DOCK8: variants seen among roughly 807,000 people sequenced by gnomAD.
DOCK8 encodes the protein dedicator of cytokinesis 8, also known as dedicator of cytokinesis protein 8.
Under a neutral mutation model 245.6 loss-of-function variants are expected in DOCK8, and 141 were observed. The ratio of observed to expected loss-of-function variants is 0.57; its 90% CI spans 0.50 to 0.66. The LOEUF (loss-of-function observed/expected upper bound fraction) is 0.66. DOCK8 is among the 30% of genes least tolerant of loss of function. The pLI is 0.00. For synonymous variants in DOCK8, 1,168 were observed against 970.2 expected (o/e 1.20, Z -3.79); for missense variants, 2,965 against 2,603.4 (o/e 1.14, Z -3.02).
intron 35 of DOCK8, among the ~76,000 whole-genome samples, chr9:428,962 T>A (rs1408588762): frequency 6.6e-6 from 1 of 152,150 alleles, no homozygotes; most frequent in Non-Finnish European, 1.5e-5. Flanking sequence ...ATTTTTCCCT[T>A]TATTTATTTA....
intron 15 of DOCK8, 82 bp downstream of exon 15, chr9:368,217 G>A: frequency 8.5e-7 from 1 of 1,174,534 alleles, no homozygotes; most frequent in South Asian, 1.2e-5. Flanking sequence ...GGACTCATCA[G>A]TGTACAAAGT....
chr9:312,045 A>T lies in DOCK8; in HGVS notation c.620A>T (p.Asp207Val). The change falls in exon 6 of 48, where the codon GAC becomes GTC. Residue 207 changes from aspartate (D) to valine (V), a missense_variant. Around this residue, in one of 3 missense-constraint regions of DOCK8, gnomAD observed 2,825 missense variants for 2,453.5 expected, o/e 1.15. Coordinates refer to ENST00000432829, the MANE Select transcript of DOCK8 (RefSeq NM_203447.4). Reference protein sequence around the residue: ...CDFDLRSLQPDKRLENLLQQV... With the variant: ...CDFDLRSLQPVKRLENLLQQV... ...TTTGACCTCCGCAGCCTGCAGCCTG[A>T]CAAGCGGCTAGAAAACCTCCTGCAG... The T allele has an allele frequency of 6.2e-7, 1 of 1,614,212 alleles. No homozygotes were observed. The highest frequency in any genetic ancestry group is 8.5e-7 in the Non-Finnish European group (1 of 1,180,032).
chr9:298,242 C>A lies in DOCK8; in HGVS notation c.405-6339C>A, dbSNP rs148508050. Among the ~76,000 whole-genome samples, 222 of 152,110 alleles carry A rather than the reference C, an allele frequency of 1.5e-3. 8 individuals carry two copies. In the South Asian group the frequency reaches 0.044, roughly 30 times the overall value. On this transcript the variant is annotated intron_variant, in intron 4 of 47. Transcript: ENST00000432829. Reference sequence around the variant, plus strand: ...GAGTTCGAGACCAGCCTGGCCAACACGGCAAAACCCCGTCTCTACTAAAAA... The same window carrying A: ...GAGTTCGAGACCAGCCTGGCCAACAAGGCAAAACCCCGTCTCTACTAAAAA...
At chr9:231,586 G>T (rs976583443) in intron 1 of DOCK8, among the ~76,000 whole-genome samples, 12 of 152,066 alleles carry the variant, frequency 7.9e-5, no homozygotes, top group African/African-American at 2.4e-4. Context: ...TTGAGCAGTG[G>T]TTTGTAGTTC....
chr9:449,751 A>G (rs781365919), intron 44 of DOCK8, 33 bp from the exon 45 acceptor site: 2 of 1,612,020 alleles, frequency 1.2e-6, no homozygotes, highest in African/African-American at 1.3e-5. Flanking sequence ...GAGACCAGAC[A>G]GTGACTTCCC....
chr9:272,094 T>A (rs1439037054), intron 2 of DOCK8, among the ~76,000 whole-genome samples: 1 of 152,222 alleles, frequency 6.6e-6, no homozygotes, highest in Non-Finnish European at 1.5e-5. Flanking sequence ...AAATCTGAAA[T>A]GCCAAGTTAC....
intron 1 of DOCK8, among the ~76,000 whole-genome samples, chr9:223,428 C>T (rs1158603492): frequency 6.6e-6 from 1 of 152,036 alleles, no homozygotes; most frequent in Non-Finnish European, 1.5e-5. Flanking sequence ...GAGATTTACT[C>T]AAAATTGAGA....
intron 6 of DOCK8, chr9:312,465 T>C (rs1454641659): frequency 1.9e-6 from 1 of 524,794 alleles, no homozygotes; most frequent in Non-Finnish European, 3.7e-6. Flanking sequence ...CTACATGTAG[T>C]AATCACACCC....
chr9:328,013 C>T lies in DOCK8; in HGVS notation c.895-9C>T, dbSNP rs1057523638. Reference sequence around the variant, plus strand: ...CTAACTTATATTTCACTTTGCTGCTCATTTACAGATCTCAGAAAATTTTCA... The same window carrying T: ...CTAACTTATATTTCACTTTGCTGCTTATTTACAGATCTCAGAAAATTTTCA... On this transcript the variant is annotated splice_polypyrimidine_tract_variant and intron_variant, in intron 8 of 47. Coordinates refer to ENST00000432829, the MANE Select transcript of DOCK8 (RefSeq NM_203447.4). The T allele has an allele frequency of 2.5e-6, 4 of 1,613,196 alleles. No individual in the cohort carries two copies. Among genetic ancestry groups the T allele is most frequent in the African/African-American group, 1.3e-5 (1 of 74,920 alleles).
chr9:348,538 G>T (rs141569221), intron 14 of DOCK8, among the ~76,000 whole-genome samples: 12 of 152,144 alleles, frequency 7.9e-5, no homozygotes, highest in African/African-American at 2.2e-4. Context: ...GCTTCATGAG[G>T]CACCCTGTTT....
chr9:401,578 G>T (rs1379262103), intron 26 of DOCK8, among the ~76,000 whole-genome samples: 1 of 152,094 alleles, frequency 6.6e-6, no homozygotes. Context: ...AAGGAGGCAG[G>T]CACTAAATGG....
chr9:343,924 C>T (rs2051735245), intron 14 of DOCK8, among the ~76,000 whole-genome samples: 1 of 152,234 alleles, frequency 6.6e-6, no homozygotes, highest in South Asian at 2.1e-4. Context: ...CTCGTTCCTG[C>T]AAACATTATC....
chr9:261,997 GAGAAAGAAAGAAAGAAAGAA>G (rs149792134), intron 1 of DOCK8, among the ~76,000 whole-genome samples: 1 of 146,734 alleles, frequency 6.8e-6, no homozygotes, highest in African/African-American at 2.5e-5. Context: ...AAGAAAGAAG[GAGAAAGAAAGAAAGAAAGAA>G]AGAAAGAAAG....
At chr9:291,046 G>C (rs1478997131) in intron 4 of DOCK8, among the ~76,000 whole-genome samples, 1 of 152,082 alleles carries the variant, frequency 6.6e-6, no homozygotes, top group African/African-American at 2.4e-5. Context: ...ATAAAATTAT[G>C]GTTTGCTGAT....
intron 35 of DOCK8, among the ~76,000 whole-genome samples, 165 bp downstream of exon 35, chr9:428,661 G>A (rs186796072): frequency 1.8e-4 from 28 of 152,292 alleles, no homozygotes; most frequent in African/African-American, 6.3e-4. Context: ...CTGATTCTGT[G>A]GGAAGCCACC....
At chr9:258,439 A>G (rs906341579) in intron 1 of DOCK8, among the ~76,000 whole-genome samples, 4 of 152,212 alleles carry the variant, frequency 2.6e-5, no homozygotes, top group Non-Finnish European at 5.9e-5. Context: ...GTTTTTAATC[A>G]ACAGCATCCA....
chr9:375,671 C>T (rs923769821), intron 18 of DOCK8, among the ~76,000 whole-genome samples: 34 of 152,174 alleles, frequency 2.2e-4, no homozygotes, highest in Non-Finnish European at 4.3e-4. Context: ...CACTAAGGCC[C>T]AGAAAGTTTA....
chr9:271,757 C>T (rs143576729), intron 2 of DOCK8, 28 bp downstream of exon 2: 9 of 1,510,214 alleles, frequency 6.0e-6, no homozygotes, highest in Non-Finnish European at 8.1e-6. Context: ...GTTTACTTAG[C>T]GATTGGTCAA....
chr9:376,285 G>C lies in DOCK8; in HGVS notation c.2185G>C (p.Val729Leu), dbSNP rs755742342. The C allele has an allele frequency of 5.0e-6, 8 of 1,612,202 alleles. No individual in the cohort carries two copies. In the Admixed American group the frequency reaches 8.3e-5, roughly 17 times the overall value. Residue 729 changes from valine (V) to leucine (L), a missense_variant, in exon 19 of 48, where the codon GTT (valine) becomes CTT (leucine). Val to Leu is a conservative substitution (Grantham distance 32, BLOSUM62 1). Around this residue, in one of 3 missense-constraint regions of DOCK8, gnomAD observed 2,825 missense variants for 2,453.5 expected, o/e 1.15. Coordinates refer to ENST00000432829, the MANE Select transcript of DOCK8 (RefSeq NM_203447.4). The part of the protein sequence containing the change: ...KGVFNIEVQA[V>L]SSVHTQDNHL... ...AGTATTTAATATTGAAGTGCAAGCT[G>C]TTTCTTCTGTACACACCCAGGTAAG...
Sources: allele counts gnomAD v4.1 joint callset (sites outside exome capture counted in the v4.1 genomes callset), GRCh38; gene constraint gnomAD v4.1.1; regional missense constraint gnomAD v4.1.1; transcripts MANE v1.5; gene names NCBI Gene and HGNC (gene_info 2026-07-23, HGNC 2026-07-21).